RBFOX1: variants seen among roughly 807,000 people sequenced by gnomAD.
RBFOX1 encodes the protein RNA binding fox-1 homolog 1.
A neutral mutation model predicts 57.7 loss-of-function variants in RBFOX1; 8 were observed. The observed-to-expected ratio is 0.14, with a 90% confidence interval of 0.08 to 0.25. The LOEUF (loss-of-function observed/expected upper bound fraction) is 0.25, where lower values mean the gene tolerates loss of function less well. Ranked by LOEUF, RBFOX1 falls within the 10% of genes least tolerant of loss-of-function variation. The probability of loss-of-function intolerance (pLI) is 1.00; values close to 1 mark genes in which losing one functional copy is unlikely to be tolerated. For synonymous variants in RBFOX1, 326 were observed against 222.4 expected (o/e 1.47, Z -4.15); for missense variants, 611 against 548.5 (o/e 1.11, Z -1.14).
intron 3 of RBFOX1, among the ~76,000 whole-genome samples, chr16:5,789,810 C>A (rs865804862): frequency 6.6e-6 from 1 of 152,154 alleles, no homozygotes; most frequent in Non-Finnish European, 1.5e-5. Context: ...TCCTTCTAAC[C>A]GCCAGGCCAA....
At chr16:5,543,941 A>C (rs1176241627) in intron 2 of RBFOX1, among the ~76,000 whole-genome samples, 1 of 152,248 alleles carries the variant, frequency 6.6e-6, no homozygotes, top group East Asian at 1.9e-4. Flanking sequence ...AACCTGAAAT[A>C]ACTGCAAGGA....
intron 3 of RBFOX1, among the ~76,000 whole-genome samples, chr16:5,689,732 A>G (rs1351548586): frequency 6.6e-6 from 1 of 152,186 alleles, no homozygotes; most frequent in East Asian, 1.9e-4. Flanking sequence ...TTTTAGGAAC[A>G]AGGAATACAA....
At chr16:5,434,259 T>G (rs1159469746) in intron 1 of RBFOX1, among the ~76,000 whole-genome samples, 1 of 147,970 alleles carries the variant, frequency 6.8e-6, no homozygotes, top group African/African-American at 2.5e-5. Flanking sequence ...AGAGAAATAT[T>G]CCCCTGGGCT....
At chr16:6,576,594 C>T (rs548270049) in intron 2 of RBFOX1, among the ~76,000 whole-genome samples, 26 of 152,250 alleles carry the variant, frequency 1.7e-4, no homozygotes, top group African/African-American at 6.0e-4. Flanking sequence ...TCTGAACCTT[C>T]TTTGAACTCC....
intron 3 of RBFOX1, among the ~76,000 whole-genome samples, chr16:6,884,417 GAGGAC>G (rs2063556884): frequency 6.6e-6 from 1 of 152,180 alleles, no homozygotes; most frequent in Non-Finnish European, 1.5e-5. Context: ...CAAAAGGAGT[GAGGAC>G]AGTAAAGTCT....
chr16:7,296,338 G>C (rs185135637), intron 4 of RBFOX1, among the ~76,000 whole-genome samples: 2 of 149,336 alleles, frequency 1.3e-5, no homozygotes, highest in Non-Finnish European at 3.0e-5. Flanking sequence ...CAGTGTATGT[G>C]AGTTTATGTG....
chr16:7,328,587 G>A (rs1458047504), intron 4 of RBFOX1: 2 of 149,380 alleles, frequency 1.3e-5, no homozygotes, highest in Non-Finnish European at 3.0e-5. Flanking sequence ...TAATACCTAA[G>A]AAGGAAATGT....
chr16:6,960,408 C>A lies in RBFOX1; in HGVS notation c.-15-91649C>A, dbSNP rs188076171. On this transcript the variant is annotated intron_variant, in intron 3 of 15. Coordinates refer to ENST00000550418, the MANE Select transcript of RBFOX1 (RefSeq NM_018723.4). ...ATTTTAAGTTGGTCTGGTGATATTT[C>A]CCAGGCCTTCTCCCTGTACCCGGTT... Among the ~76,000 whole-genome samples, 182 of 152,212 alleles carry A rather than the reference C, an allele frequency of 1.2e-3. 1 individual carries two copies. The highest frequency in any genetic ancestry group is 3.9e-3 in the African/African-American group (162 of 41,520).
chr16:5,815,726 C>A (rs1355917883), intron 3 of RBFOX1, among the ~76,000 whole-genome samples: 1 of 152,144 alleles, frequency 6.6e-6, no homozygotes, highest in Admixed American at 6.5e-5. Flanking sequence ...AAAACCATTG[C>A]AATACAATGC....
At chr16:6,678,137 T>A (rs1301023019) in intron 3 of RBFOX1, among the ~76,000 whole-genome samples, 1 of 152,250 alleles carries the variant, frequency 6.6e-6, no homozygotes, top group African/African-American at 2.4e-5. Flanking sequence ...TGTTGTGTTG[T>A]GTTTGAGACG....
At chr16:6,703,706 CAAAAGAAAA>C (rs2062216618) in intron 3 of RBFOX1, among the ~76,000 whole-genome samples, 1 of 151,112 alleles carries the variant, frequency 6.6e-6, no homozygotes. Context: ...GACCCAGTTT[CAAAAGAAAA>C]AAAAGAAAAG....
intron 3 of RBFOX1, among the ~76,000 whole-genome samples, chr16:6,696,495 T>A (rs979515503): frequency 6.6e-6 from 1 of 152,196 alleles, no homozygotes; most frequent in Non-Finnish European, 1.5e-5. Context: ...GGTAATGAGA[T>A]TCAGTTTTTC....
chr16:5,316,258 G>A (rs553705382), intron 1 of RBFOX1, among the ~76,000 whole-genome samples: 1 of 152,200 alleles, frequency 6.6e-6, no homozygotes, highest in Non-Finnish European at 1.5e-5. Flanking sequence ...GGAAAGATCT[G>A]TGCCTTCTCA....
At chr16:6,627,110 C>A (rs548046571) in intron 2 of RBFOX1, among the ~76,000 whole-genome samples, 2 of 152,188 alleles carry the variant, frequency 1.3e-5, no homozygotes, top group African/African-American at 4.8e-5. Context: ...ACACAAAGTC[C>A]TATTGTGCCT....
At chr16:7,180,379 T>C (rs1033141813) in intron 4 of RBFOX1, among the ~76,000 whole-genome samples, 9 of 152,246 alleles carry the variant, frequency 5.9e-5, no homozygotes, top group African/African-American at 1.9e-4. Flanking sequence ...AGGGACAGCA[T>C]CTCTGGAAGT....
chr16:6,601,854 CTTGAAGAGGAT>C (rs2097857277), intron 2 of RBFOX1, among the ~76,000 whole-genome samples: 1 of 152,154 alleles, frequency 6.6e-6, no homozygotes, highest in Non-Finnish European at 1.5e-5. Context: ...GGGGTTAGAG[CTTGAAGAGGAT>C]GTTAAAGAGA....
intron 4 of RBFOX1, among the ~76,000 whole-genome samples, chr16:7,437,795 A>T (rs1477017625): frequency 1.3e-5 from 2 of 152,166 alleles, no homozygotes; most frequent in African/African-American, 4.8e-5. Context: ...AGGCAAACGA[A>T]TACAGATTTA....
chr16:5,314,639 T>G (rs1440707699), intron 1 of RBFOX1, among the ~76,000 whole-genome samples: 1 of 152,164 alleles, frequency 6.6e-6, no homozygotes, highest in Non-Finnish European at 1.5e-5. Flanking sequence ...TAGCTGGGAC[T>G]ACAGGCATGC....
chr16:6,663,656 A>G (rs1568111437), intron 3 of RBFOX1, among the ~76,000 whole-genome samples: 1 of 152,200 alleles, frequency 6.6e-6, no homozygotes, highest in East Asian at 1.9e-4. Context: ...TCCCCTGGGG[A>G]TTGGATTTCT....
Sources: allele counts gnomAD v4.1 joint callset (sites outside exome capture counted in the v4.1 genomes callset), GRCh38; gene constraint gnomAD v4.1.1; transcripts MANE v1.5; gene names NCBI Gene and HGNC (gene_info 2026-07-23, HGNC 2026-07-21).